Variants in GLS observed in about 807,000 individuals in gnomAD.
GLS encodes the protein glutaminase.
Under a neutral mutation model 86.7 loss-of-function variants are expected in GLS, and 36 were observed. The ratio of observed to expected loss-of-function variants is 0.42; its 90% CI spans 0.32 to 0.55. The LOEUF (loss-of-function observed/expected upper bound fraction) is 0.55. Among genes scored for constraint, GLS ranks in the 20% least tolerant of loss-of-function variants. The probability of loss-of-function intolerance (pLI) is 0.17; values close to 1 mark genes in which losing one functional copy is unlikely to be tolerated. For missense variants in GLS, 528 were observed against 833.4 expected (o/e 0.63, Z 4.51); for synonymous variants, 317 against 305.9 (o/e 1.04, Z -0.38).
At chr2:190,893,297 C>A (rs1186591790) in intron 1 of GLS, among the ~76,000 whole-genome samples, 1 of 152,196 alleles carries the variant, frequency 6.6e-6, no homozygotes, top group Non-Finnish European at 1.5e-5. Context: ...AGTTTGGATT[C>A]AGAAAAATCC....
chr2:190,883,230 T>C (rs1343448367), intron 1 of GLS, among the ~76,000 whole-genome samples: 4 of 152,232 alleles, frequency 2.6e-5, no homozygotes, highest in Non-Finnish European at 1.5e-5. Flanking sequence ...AGAAAGTTTT[T>C]TAATTTGGTT....
rs1019867684 is a variant in GLS at position 190,930,575 on chromosome 2, A to G, written c.1557+7A>G. On this transcript the variant is annotated splice_region_variant and intron_variant, in intron 13 of 17. Transcript: ENST00000320717. This position sits in a 1 kb window ranked among gnomAD's most constrained non-coding sequence, Gnocchi z 5.0. The stretch of plus-strand genomic sequence containing the variant: ...GGGAATTCACTTTTGTCACGTAAGC[A>G]TATTTTCTTAATGTAAATAATGGTG... 1.2e-6 allele frequency: 2 copies of G among 1,601,166 alleles called. No individual in the cohort carries two copies. The highest frequency in any genetic ancestry group is 8.5e-7 in the Non-Finnish European group (1 of 1,175,564).
Position 190,949,395 on chromosome 2 carries a change from A to G in GLS, c.1651-4170A>G, listed in dbSNP as rs1690658980. The stretch of plus-strand genomic sequence containing the variant: ...ATCTTGTAATGATATTCAAAGATGT[A>G]AAAGTTAAGGTAGATGGGCTGGGCA... On this transcript the variant is annotated intron_variant, in intron 14 of 17. Coordinates refer to ENST00000320717, the MANE Select transcript of GLS (RefSeq NM_014905.5). The surrounding 1 kb of genome is among the most constrained non-coding windows in gnomAD (Gnocchi z 4.0). Among the ~76,000 whole-genome samples the G allele has an allele frequency of 6.6e-6, 1 of 152,130 alleles. No individual in the cohort carries two copies. The highest frequency in any genetic ancestry group is 1.5e-5 in the Non-Finnish European group (1 of 68,008).
intron 11 of GLS, among the ~76,000 whole-genome samples, chr2:190,925,669 A>C (rs1156641769): frequency 6.6e-6 from 1 of 152,160 alleles, no homozygotes; most frequent in Non-Finnish European, 1.5e-5. Flanking sequence ...GTAATCTTAG[A>C]GAATATATAA....
rs115927075 is a variant in GLS, at chr2:190,947,495, T to C, written c.1651-6070T>C. Among the ~76,000 whole-genome samples, 816 of 152,304 alleles carry C rather than the reference T, an allele frequency of 5.4e-3. 8 individuals carry two copies. The highest frequency in any genetic ancestry group is 0.019 in the African/African-American group (773 of 41,562). ...GAAGGGGAAACTGTTAACAGTTAATTTATAAATTTTAATGGCTCTCTGCCC... is the reference window on the plus strand; with the variant it reads ...GAAGGGGAAACTGTTAACAGTTAATCTATAAATTTTAATGGCTCTCTGCCC... On this transcript the variant is annotated intron_variant, in intron 14 of 17. Transcript: ENST00000320717. This position sits in a 1 kb window ranked among gnomAD's most constrained non-coding sequence, Gnocchi z 5.0.
intron 14 of GLS, chr2:190,933,406 AT>A: frequency 5.8e-6 from 5 of 855,630 alleles, no homozygotes; most frequent in Non-Finnish European, 7.0e-6. Flanking sequence ...CATTTATGCC[AT>A]TTTTGGTGAT....
In GLS at chr2:190,964,685, C is replaced by T. The variant is rs1393979820; in HGVS notation, c.*1699C>T. On this transcript the variant is annotated 3_prime_UTR_variant, in exon 18 of 18. Transcript: ENST00000320717. This position sits in a 1 kb window ranked among gnomAD's most constrained non-coding sequence, Gnocchi z 5.2. ...AGGATGCTGAGTGAGCAGTTTCCTACCCCGTGGATCTAGCAAGCCATGGAG... is the reference window on the plus strand; with the variant it reads ...AGGATGCTGAGTGAGCAGTTTCCTATCCCGTGGATCTAGCAAGCCATGGAG... The T allele has an allele frequency of 1.3e-5, 2 of 152,156 alleles. No individual in the cohort carries two copies. Among genetic ancestry groups the T allele is most frequent in the African/African-American group, 4.8e-5 (2 of 41,444 alleles). The allele number at this position is 152,156 out of a possible 1,614,324, so 9.4% of individuals were successfully genotyped here. A position where few individuals can be genotyped will look rare whatever the true frequency, so the allele number is the denominator to read the frequency against.
At chr2:190,928,096 A>G (rs969081879) in intron 12 of GLS, among the ~76,000 whole-genome samples, 1 of 152,134 alleles carries the variant, frequency 6.6e-6, no homozygotes, top group African/African-American at 2.4e-5. Context: ...TTAATTATGA[A>G]TACATTACTA....
chr2:190,892,236 T>C (rs1410472387), intron 1 of GLS, among the ~76,000 whole-genome samples: 1 of 152,142 alleles, frequency 6.6e-6, no homozygotes, highest in African/African-American at 2.4e-5. Context: ...AATATGATGG[T>C]AAGATGATCT....
chr2:190,917,725 T>A (rs1414488671), intron 7 of GLS, among the ~76,000 whole-genome samples: 1 of 152,188 alleles, frequency 6.6e-6, no homozygotes, highest in East Asian at 1.9e-4. Context: ...ATGCTCCTTG[T>A]ACGTCTCTAT....
Position 190,881,637 on chromosome 2 carries a change from C to G in GLS, c.386+167C>G, listed in dbSNP as rs960333370. The G allele has an allele frequency of 1.3e-5, 8 of 604,214 alleles. No homozygotes were observed. In the African/African-American group the frequency reaches 1.6e-4, roughly 12 times the overall value. 37.4% of individuals were successfully genotyped at this position (604,214 alleles called of 1,614,324 possible). ...TGCGCCATGTGATTAGGCCCGGCCC[C>G]GCCCGCGCCTTCCCCGCCCGCAACC... On this transcript the variant is annotated intron_variant, in intron 1 of 17. Transcript: ENST00000320717.
intron 13 of GLS, 45 bp from the exon 14 acceptor site, chr2:190,931,500 A>G (rs780951809): frequency 8.7e-5 from 73 of 842,322 alleles, no homozygotes; most frequent in Non-Finnish European, 1.3e-4. Flanking sequence ...TATATAACCA[A>G]TGAATAGCCA....
At chr2:190,928,892 GTTTTTT>G (rs367999647) in intron 12 of GLS, among the ~76,000 whole-genome samples, 3 of 12,822 alleles carry the variant, frequency 2.3e-4, no homozygotes, top group Non-Finnish European at 4.2e-4. Flanking sequence ...ATTCAGGTGT[GTTTTTT>G]TTTTTTTTTT....
At chr2:190,948,853 T>A (rs1245304366) in intron 14 of GLS, among the ~76,000 whole-genome samples, 1 of 152,058 alleles carries the variant, frequency 6.6e-6, no homozygotes, top group African/African-American at 2.4e-5. Context: ...AGGAGAATAG[T>A]ATGCACTGTG....
rs1689425242 is a variant in GLS at position 190,913,487 on chromosome 2, C to T, written c.1038+3166C>T. On this transcript the variant is annotated intron_variant, in intron 7 of 17. Coordinates refer to ENST00000320717, the MANE Select transcript of GLS (RefSeq NM_014905.5). This position sits in a 1 kb window ranked among gnomAD's most constrained non-coding sequence, Gnocchi z 6.1. ...GGTAGCTACTAACTTTAAAGGAATA[C>T]TTTTTGTTGTAATCTGTTTTATTTG... The T allele has an allele frequency of 2.0e-6, 2 of 981,162 alleles. No homozygotes were observed. The highest frequency in any genetic ancestry group is 2.5e-6 in the Non-Finnish European group (2 of 815,610). The allele number at this position is 981,162 out of a possible 1,614,324, so 60.8% of individuals were successfully genotyped here.
rs139114094 is a variant in GLS, at chr2:190,897,539, A to T, written c.605+1814A>T. 6.6e-6 allele frequency among the ~76,000 whole-genome samples: 1 copy of T among 152,346 alleles called. No individual in the cohort carries two copies. Among genetic ancestry groups the T allele is most frequent in the East Asian group, 1.9e-4 (1 of 5,190 alleles). ...TTTATGGTCTATATGAGCAACCAGT[A>T]GAAAAGTACAAGTCTCTAGGGCATA... On this transcript the variant is annotated intron_variant, in intron 3 of 17. Coordinates refer to ENST00000320717, the MANE Select transcript of GLS (RefSeq NM_014905.5). The surrounding 1 kb of genome is among the most constrained non-coding windows in gnomAD (Gnocchi z 4.3).
intron 7 of GLS, among the ~76,000 whole-genome samples, chr2:190,916,260 C>G (rs1444412458): frequency 2.6e-5 from 4 of 152,034 alleles, no homozygotes; most frequent in African/African-American, 9.7e-5. Flanking sequence ...AAAATTCAAA[C>G]ATACAAAATA....
At position 190,951,138 on chromosome 2, in the gene GLS, T is replaced by C. The variant is rs1690706657; in HGVS notation, c.1651-2427T>C. Among the ~76,000 whole-genome samples, 1 of 151,692 alleles carries C rather than the reference T, an allele frequency of 6.6e-6. No homozygotes were observed. Among genetic ancestry groups the C allele is most frequent in the African/African-American group, 2.4e-5 (1 of 41,228 alleles). The stretch of plus-strand genomic sequence containing the variant: ...CAAGAAGATTGGACTGCCTTGGGAG[T>C]AGTATTTGGCAGTGGAAAGTGGGTA... On this transcript the variant is annotated intron_variant, in intron 14 of 17. Transcript: ENST00000320717. This position sits in a 1 kb window ranked among gnomAD's most constrained non-coding sequence, Gnocchi z 4.2.
At chr2:190,934,672 A>T in intron 14 of GLS, 8 of 978,668 alleles carry the variant, frequency 8.2e-6, no homozygotes, top group Non-Finnish European at 9.7e-6. Flanking sequence ...ACTTTATTAA[A>T]TGAAGATTTA....
Sources: gnomAD v4.1 joint callset for allele counts (sites outside exome capture counted in the v4.1 genomes callset) on GRCh38, gnomAD v4.1.1 for gene constraint, Gnocchi (gnomAD v3.1) non-coding constraint, MANE v1.5 for transcripts, NCBI Gene and HGNC (gene_info 2026-07-23, HGNC 2026-07-21) for gene names.